C1orf146: variants seen among roughly 807,000 people sequenced by gnomAD.
C1orf146 encodes protein SPO16 homolog.
In C1orf146, 22 loss-of-function variants were observed where a neutral mutation model predicts 23.0. The ratio of observed to expected loss-of-function variants is 0.96; its 90% CI spans 0.68 to 1.36. The LOEUF is 1.36. Ranked by LOEUF, C1orf146 falls within the 40% of genes most tolerant of loss-of-function variation. C1orf146 has a pLI of 0.00. For synonymous variants in C1orf146, 59 were observed against 65.3 expected (o/e 0.90, Z 0.47); for missense variants, 199 against 206.8 (o/e 0.96, Z 0.23).
chr1:92,245,749 T>C lies in C1orf146; in HGVS notation c.*75T>C. On this transcript the variant is annotated 3_prime_UTR_variant, in exon 6 of 6. Coordinates refer to ENST00000370375, the MANE Select transcript of C1orf146 (RefSeq NM_001012425.2). ...TTAAATTATAATATTCAAATATCTATTTAAAGACATTTATATTAATTTGAA... is the reference window on the plus strand; with the variant it reads ...TTAAATTATAATATTCAAATATCTACTTAAAGACATTTATATTAATTTGAA... 1 of 848,274 alleles carries C rather than the reference T, an allele frequency of 1.2e-6. No individual in the cohort carries two copies. The highest frequency in any genetic ancestry group is 1.7e-6 in the Non-Finnish European group (1 of 573,638). The allele number at this position is 848,274 out of a possible 1,614,324, so 52.5% of individuals were successfully genotyped here.
At chr1:92,237,115 C>T (rs1402751938) in intron 2 of C1orf146, among the ~76,000 whole-genome samples, 3 of 152,244 alleles carry the variant, frequency 2.0e-5, no homozygotes, top group Non-Finnish European at 4.4e-5. Context: ...TCGTTAAAGT[C>T]ATTCTCTGTC....
chr1:92,224,995 C>G (rs140672197), intron 1 of C1orf146, among the ~76,000 whole-genome samples: 1,543 of 152,216 alleles, frequency 0.01, 29 homozygotes, highest in African/African-American at 0.034. Flanking sequence ...CCCACCTCGG[C>G]CTCCCAAAGC....
chr1:92,242,535 A>G (rs1652457024), intron 3 of C1orf146, among the ~76,000 whole-genome samples: 1 of 152,216 alleles, frequency 6.6e-6, no homozygotes, highest in Non-Finnish European at 1.5e-5. Flanking sequence ...AGAAGATGGG[A>G]AAAAACTACT....
chr1:92,241,484 C>T (rs1159256800), intron 2 of C1orf146, among the ~76,000 whole-genome samples: 1 of 151,912 alleles, frequency 6.6e-6, no homozygotes, highest in Non-Finnish European at 1.5e-5. Flanking sequence ...CCACCATGCC[C>T]AGCCTCCAAG....
intron 2 of C1orf146, among the ~76,000 whole-genome samples, chr1:92,236,698 G>A (rs1453706456): frequency 6.6e-6 from 1 of 152,192 alleles, no homozygotes; most frequent in East Asian, 1.9e-4. Flanking sequence ...ATATGCTGCA[G>A]AGTGTTTTCC....
At chr1:92,244,132 T>TAC (rs10676893) in intron 3 of C1orf146, 85 bp from the exon 4 acceptor site, 719,577 of 859,946 alleles carry the variant, frequency 0.84, 303,178 homozygotes, top group East Asian at 1. Flanking sequence ...GTGGTATACT[T>TAC]AGTTATTTTG....
intron 3 of C1orf146, 32 bp from the exon 4 acceptor site, chr1:92,244,185 G>C (rs1325114293): frequency 6.8e-7 from 1 of 1,476,236 alleles, no homozygotes; most frequent in Non-Finnish European, 9.3e-7. Flanking sequence ...CTATAACAAA[G>C]TGACATTTTA....
At chr1:92,234,251 CATAG>C (rs200990312) in intron 2 of C1orf146, among the ~76,000 whole-genome samples, 38,708 of 151,640 alleles carry the variant, frequency 0.26, 6,220 homozygotes, top group Non-Finnish European at 0.35. Context: ...GTGGGTTTGT[CATAG>C]ATAGCTGTTA....
At chr1:92,224,146 G>T (rs1651907771) in intron 1 of C1orf146, among the ~76,000 whole-genome samples, 2 of 151,172 alleles carry the variant, frequency 1.3e-5, no homozygotes, top group Admixed American at 1.3e-4. Context: ...CTCCTCCCAG[G>T]GTCACACCAT....
intron 2 of C1orf146, among the ~76,000 whole-genome samples, chr1:92,236,847 A>G (rs1229934629): frequency 6.6e-6 from 1 of 151,900 alleles, no homozygotes; most frequent in Non-Finnish European, 1.5e-5. Context: ...TTCTCGCTTC[A>G]TTTCATTCAT....
chr1:92,242,149 C>G, intron 2 of C1orf146, 63 bp from the exon 3 acceptor site: 2 of 817,880 alleles, frequency 2.4e-6, no homozygotes, highest in Non-Finnish European at 1.9e-6. Context: ...TTAATTTTTT[C>G]TTTAGCTTTA....
At chr1:92,234,838 G>A (rs907417210) in intron 2 of C1orf146, among the ~76,000 whole-genome samples, 3 of 152,160 alleles carry the variant, frequency 2.0e-5, no homozygotes, top group Non-Finnish European at 4.4e-5. Context: ...GTTTAGTCTT[G>A]GGAGAGTGTA....
intron 1 of C1orf146, among the ~76,000 whole-genome samples, chr1:92,230,690 G>A (rs778142187): frequency 6.6e-6 from 1 of 151,986 alleles, no homozygotes; most frequent in African/African-American, 2.4e-5. Flanking sequence ...TGAGGCAGGA[G>A]GATTGCTTGA....
rs928748020 is a variant in C1orf146 at position 92,242,242 on chromosome 1, C to T, written c.97C>T (p.Arg33Ter). 15 of 1,598,344 alleles carry T rather than the reference C, an allele frequency of 9.4e-6. No individual in the cohort carries two copies. The highest frequency in any genetic ancestry group is 1.3e-5 in the Non-Finnish European group (15 of 1,171,438). The part of the protein sequence containing the change: ...SYEVATALEN[R>*]SHKVRYSDSV... ...TGAAGTTGCAACTGCCCTAGAAAAT[C>T]GAAGCCACAAAGTTCGATATTCAGA... is the stretch of plus-strand genomic sequence containing the variant. Residue 33 changes from arginine (R) to a stop codon, truncating the protein, a stop_gained, in exon 3 of 6, where the codon CGA becomes TGA. Coordinates refer to ENST00000370375, the MANE Select transcript of C1orf146 (RefSeq NM_001012425.2). LOFTEE classifies it high-confidence loss of function.
At chr1:92,245,403 G>A in intron 5 of C1orf146, 137 bp from the exon 6 acceptor site, 1 of 643,066 alleles carries the variant, frequency 1.6e-6, no homozygotes, top group Non-Finnish European at 2.6e-6. Flanking sequence ...GACTACTCTA[G>A]TAACTCATAC....
At chr1:92,244,522 C>G in intron 4 of C1orf146, 137 bp downstream of exon 4, 1 of 732,604 alleles carries the variant, frequency 1.4e-6, no homozygotes, top group South Asian at 2.1e-5. Flanking sequence ...AAACATGGGC[C>G]AAATAGCTAT....
At chr1:92,230,841 T>C (rs1259177569) in intron 1 of C1orf146, among the ~76,000 whole-genome samples, 2 of 152,116 alleles carry the variant, frequency 1.3e-5, no homozygotes, top group African/African-American at 4.8e-5. Flanking sequence ...TTTCCCTCCA[T>C]AGTAGAAGAC....
chr1:92,240,959 C>T, intron 2 of C1orf146: 1 of 458,160 alleles, frequency 2.2e-6, no homozygotes, highest in Non-Finnish European at 4.5e-6. Context: ...ACCAAGAGTC[C>T]TATAGCTGTT....
At chr1:92,224,708 G>A (rs527244271) in intron 1 of C1orf146, among the ~76,000 whole-genome samples, 2 of 152,150 alleles carry the variant, frequency 1.3e-5, no homozygotes, top group East Asian at 1.9e-4. Flanking sequence ...ATTGATTTCT[G>A]CTTTAATCTT....
Sources: gnomAD v4.1 joint callset for allele counts (sites outside exome capture counted in the v4.1 genomes callset) on GRCh38, gnomAD v4.1.1 for gene constraint, MANE v1.5 for transcripts, NCBI Gene and HGNC (gene_info 2026-07-23, HGNC 2026-07-21) for gene names.